The following CTNNA2 variants were observed in gnomAD, a reference collection of about 807,000 sequenced individuals.
CTNNA2 encodes catenin alpha 2.
CTNNA2 carries 42 observed loss-of-function variants against 101.0 expected under a neutral mutation model. That is an observed-to-expected ratio of 0.42 (90% confidence interval 0.32 to 0.54). The LOEUF (loss-of-function observed/expected upper bound fraction) is 0.54, where lower values mean the gene tolerates loss of function less well. Ranked by LOEUF, CTNNA2 falls within the 20% of genes least tolerant of loss-of-function variation. The pLI is 0.14. For synonymous variants in CTNNA2, 450 were observed against 456.4 expected, an observed-to-expected ratio of 0.99 and a Z score of 0.18; for missense variants, 871 against 1,223.1, an observed-to-expected ratio of 0.71 and a Z score of 4.29.
chr2:80,241,645 G>T (rs567590473), intron 7 of CTNNA2, among the ~76,000 whole-genome samples: 8 of 148,622 alleles, frequency 5.4e-5, no homozygotes, highest in Non-Finnish European at 1.2e-4. Flanking sequence ...TTATATTTAG[G>T]CCTATACATA....
chr2:79,871,085 C>A (rs2104031222), intron 5 of CTNNA2, among the ~76,000 whole-genome samples: 1 of 152,298 alleles, frequency 6.6e-6, no homozygotes, highest in African/African-American at 2.4e-5. Flanking sequence ...GGAAGGATCT[C>A]CTAAAATCCT....
intron 4 of CTNNA2, among the ~76,000 whole-genome samples, chr2:79,412,087 T>G (rs1342016081): frequency 2.6e-5 from 4 of 151,760 alleles, no homozygotes; most frequent in African/African-American, 9.7e-5. Flanking sequence ...AAGGCAGGGG[T>G]TGCAATCCTA....
chr2:79,273,028 T>C (rs1675124412), intron 2 of CTNNA2, among the ~76,000 whole-genome samples: 1 of 152,094 alleles, frequency 6.6e-6, no homozygotes, highest in African/African-American at 2.4e-5. Context: ...AGCAGTGCCA[T>C]ATCAAGGTAC....
chr2:79,638,812 A>C (rs1277947615), intron 1 of CTNNA2, among the ~76,000 whole-genome samples: 5 of 152,194 alleles, frequency 3.3e-5, no homozygotes, highest in East Asian at 1.9e-4. Context: ...TTAAAAATAC[A>C]AGTCCTTAGG....
intron 17 of CTNNA2, among the ~76,000 whole-genome samples, chr2:80,610,752 T>C (rs543630546): frequency 1.3e-5 from 2 of 151,854 alleles, no homozygotes; most frequent in South Asian, 2.1e-4. Context: ...AATTATGTCT[T>C]ATGTCAGCGT....
chr2:80,043,758 G>A (rs968337417), intron 7 of CTNNA2, among the ~76,000 whole-genome samples: 10 of 152,198 alleles, frequency 6.6e-5, no homozygotes, highest in Non-Finnish European at 1.0e-4. Context: ...CCCACCTCAT[G>A]TGCTAACACT....
intron 2 of CTNNA2, among the ~76,000 whole-genome samples, chr2:79,672,202 C>T (rs1682885492): frequency 6.6e-6 from 1 of 152,116 alleles, no homozygotes; most frequent in Non-Finnish European, 1.5e-5. Flanking sequence ...CTGGCCCCTG[C>T]GTTGGGTTCT....
At chr2:80,644,180 A>G (rs1339544735) in intron 18 of CTNNA2, among the ~76,000 whole-genome samples, 1 of 152,120 alleles carries the variant, frequency 6.6e-6, no homozygotes, top group East Asian at 1.9e-4. Context: ...TGCAGGGACA[A>G]CAACTTACGT....
intron 4 of CTNNA2, among the ~76,000 whole-genome samples, chr2:79,452,736 C>A (rs960941956): frequency 1.3e-5 from 2 of 152,028 alleles, no homozygotes; most frequent in Non-Finnish European, 2.9e-5. Flanking sequence ...ATCTGAAGGG[C>A]AGCATGGTAA....
At chr2:79,569,614 T>C (rs908882018) in intron 1 of CTNNA2, among the ~76,000 whole-genome samples, 2 of 152,164 alleles carry the variant, frequency 1.3e-5, no homozygotes, top group Non-Finnish European at 2.9e-5. Context: ...ACAGCAGCAA[T>C]GTAGGACTTG....
Position 80,215,420 on chromosome 2 carries a change from C to T in CTNNA2, c.1057-177791C>T, listed in dbSNP as rs564911876. On this transcript the variant is annotated intron_variant, in intron 7 of 18. Transcript: ENST00000402739. ...ATTTACCTTTGGTCTTTGATGATGG[C>T]GATGTACAGGTGGGGTTTTGGTGTG... Among the ~76,000 whole-genome samples the T allele has an allele frequency of 1.5e-3, 229 of 152,112 alleles. 1 individual carries two copies. Among genetic ancestry groups the T allele is most frequent in the African/African-American group, 5.2e-3 (216 of 41,516 alleles).
At chr2:80,314,682 G>C (rs187355714) in intron 7 of CTNNA2, among the ~76,000 whole-genome samples, 16 of 152,202 alleles carry the variant, frequency 1.1e-4, no homozygotes, top group Admixed American at 9.8e-4. Flanking sequence ...GGATGATGCT[G>C]TCTGCCTCAT....
intron 2 of CTNNA2, among the ~76,000 whole-genome samples, chr2:79,215,976 G>C (rs2104210508): frequency 6.6e-6 from 1 of 152,180 alleles, no homozygotes; most frequent in Non-Finnish European, 1.5e-5. Flanking sequence ...GGGACATGTG[G>C]GAGGGAAAGA....
At chr2:80,026,984 G>A (rs2104155281) in intron 7 of CTNNA2, among the ~76,000 whole-genome samples, 1 of 152,308 alleles carries the variant, frequency 6.6e-6, no homozygotes. Flanking sequence ...ACATTGTGCT[G>A]TGAGGTGGGA....
At chr2:79,772,218 A>G (rs1315064645) in intron 3 of CTNNA2, among the ~76,000 whole-genome samples, 1 of 152,170 alleles carries the variant, frequency 6.6e-6, no homozygotes, top group East Asian at 1.9e-4. Context: ...AGGTTTAAAG[A>G]AAAAAGATAG....
rs1404312539 is a variant in CTNNA2, at chr2:80,378,031, C to CT, written c.1057-15179dup. 3.9e-5 allele frequency among the ~76,000 whole-genome samples: 6 copies of CT among 152,228 alleles called. No homozygotes were observed. The South Asian group carries it at 6.2e-4, about 16-fold the overall frequency. Reference sequence around the variant, plus strand: ...GTCTCTCCCTGACATAGTTTAAACTCTATCTACTGGGAGAGTACCTGCTTA... The same window carrying CT: ...GTCTCTCCCTGACATAGTTTAAACTCTTATCTACTGGGAGAGTACCTGCTTA... On this transcript the variant is annotated intron_variant, in intron 7 of 18. Transcript: ENST00000402739.
At chr2:80,207,082 C>T (rs192385519) in intron 7 of CTNNA2, among the ~76,000 whole-genome samples, 135 of 152,270 alleles carry the variant, frequency 8.9e-4, no homozygotes, top group Admixed American at 1.8e-3. Flanking sequence ...CGTTTCTTCC[C>T]CTGATAAATG....
In CTNNA2 at chr2:79,408,798, C is replaced by T. The variant is rs1678372586; in HGVS notation, c.-135+34785C>T. On this transcript the variant is annotated intron_variant, in intron 4 of 21. Coordinates refer to the CTNNA2 transcript ENST00000466387. ...TCTTTATAGCAGCATGATTTAGAGT[C>T]CTTTGGGTATATACCCAGTAATGGG... Among the ~76,000 whole-genome samples, 3 of 151,882 alleles carry T rather than the reference C, an allele frequency of 2.0e-5. No individual in the cohort carries two copies. The South Asian group carries it at 6.2e-4, about 32-fold the overall frequency.
intron 7 of CTNNA2, among the ~76,000 whole-genome samples, chr2:80,210,627 G>C (rs1707827092): frequency 6.6e-6 from 1 of 152,054 alleles, no homozygotes; most frequent in Non-Finnish European, 1.5e-5. Flanking sequence ...TGGACATTTG[G>C]GTTGGTTCCA....
Sources: allele counts gnomAD v4.1 joint callset (sites outside exome capture counted in the v4.1 genomes callset), GRCh38; gene constraint gnomAD v4.1.1; transcripts MANE v1.5; gene names NCBI Gene and HGNC (gene_info 2026-07-23, HGNC 2026-07-21).